PTPN9: variants seen among roughly 807,000 people sequenced by gnomAD.
The protein encoded by PTPN9 is protein tyrosine phosphatase non-receptor type 9.
A neutral mutation model predicts 69.8 loss-of-function variants in PTPN9; 26 were observed. The ratio of observed to expected loss-of-function variants is 0.37; its 90% confidence interval spans 0.27 to 0.52. The LOEUF (loss-of-function observed/expected upper bound fraction) is 0.52, where lower values mean the gene tolerates loss of function less well. Ranked by LOEUF, PTPN9 falls within the 20% of genes least tolerant of loss-of-function variation. The pLI, the probability that PTPN9 is intolerant of heterozygous loss-of-function variation, is 0.91. For missense variants in PTPN9, 549 were observed against 740.3 expected (o/e 0.74, Z 3.00); for synonymous variants, 274 against 272.5 (o/e 1.01, Z -0.05).
Position 75,469,867 on chromosome 15 carries a change from T to C in PTPN9, c.1492A>G (p.Met498Val), listed in dbSNP as rs2074554890. Residue 498 changes from methionine (M) to valine (V), a missense_variant, in exon 12 of 13, where the codon ATG (methionine) becomes GTG (valine). Physicochemically the swap from Met to Val is conservative, Grantham distance 21. This residue lies in a region of PTPN9 where 457 missense variants were observed against 661.9 expected (regional missense o/e 0.69). Coordinates refer to ENST00000618819, the MANE Select transcript of PTPN9 (RefSeq NM_002833.4). Reference sequence around the variant, plus strand: ...CACTGCCCTTTGGAGCGTGCTCCCATGTTGCTCACAGCCAGACTCTGCTGG... The same window carrying C: ...CACTGCCCTTTGGAGCGTGCTCCCACGTTGCTCACAGCCAGACTCTGCTGG... The part of the protein sequence containing the change: ...RNQQSLAVSN[M>V]GARSKGQCPE... 6.2e-7 allele frequency: 1 copy of C among 1,613,974 alleles called. No homozygotes were observed. The highest frequency in any genetic ancestry group is 8.5e-7 in the Non-Finnish European group (1 of 1,180,044).
At chr15:75,502,552 T>A (rs1035565803) in intron 7 of PTPN9, among the ~76,000 whole-genome samples, 3 of 152,076 alleles carry the variant, frequency 2.0e-5, no homozygotes, top group Admixed American at 2.0e-4. Flanking sequence ...TATGTATGTA[T>A]GTATATATAG....
chr15:75,544,776 G>T (rs1172211452), intron 1 of PTPN9, among the ~76,000 whole-genome samples: 1 of 152,056 alleles, frequency 6.6e-6, no homozygotes, highest in African/African-American at 2.4e-5. Context: ...AAAGAGCTTG[G>T]TAAACATAGA....
At chr15:75,471,060 T>C (rs904924108) in intron 10 of PTPN9, among the ~76,000 whole-genome samples, 1 of 152,246 alleles carries the variant, frequency 6.6e-6, no homozygotes, top group Non-Finnish European at 1.5e-5. Flanking sequence ...TACTGAGCAC[T>C]TACTACAGCA....
At chr15:75,482,048 G>C (rs530980471) in intron 8 of PTPN9, among the ~76,000 whole-genome samples, 1 of 149,340 alleles carries the variant, frequency 6.7e-6, no homozygotes, top group Non-Finnish European at 1.5e-5. Flanking sequence ...TTGAGAAATC[G>C]GATGGTTGCC....
Position 75,469,910 on chromosome 15 carries a change from GA to G in PTPN9, c.1448del (p.Phe483SerfsTer2). 6.2e-7 allele frequency: 1 copy of G among 1,614,214 alleles called. No individual in the cohort carries two copies. Among genetic ancestry groups the G allele is most frequent in the Non-Finnish European group, 8.5e-7 (1 of 1,180,020 alleles). ...TCTGCTGGTTTCTGACCACTCTCAA[GA>G]AGTCAATGAGGGAAGCTGCTGAGGA... ...VPSSAASLID[F>X]LRVVRNQQSL... On this transcript the variant is annotated frameshift_variant, in exon 12 of 13. Coordinates refer to ENST00000618819, the MANE Select transcript of PTPN9 (RefSeq NM_002833.4). LOFTEE classifies it high-confidence loss of function.
At chr15:75,470,466 A>G (rs1312172343) in intron 11 of PTPN9, among the ~76,000 whole-genome samples, 1 of 152,234 alleles carries the variant, frequency 6.6e-6, no homozygotes, top group Non-Finnish European at 1.5e-5. Flanking sequence ...CCAGATTTCT[A>G]AAATTATAAG....
intron 1 of PTPN9, among the ~76,000 whole-genome samples, chr15:75,553,401 T>G (rs1055454565): frequency 6.6e-6 from 1 of 152,184 alleles, no homozygotes; most frequent in Non-Finnish European, 1.5e-5. Flanking sequence ...TGATACTGTC[T>G]TTAGTCCTGA....
At chr15:75,514,722 C>G (rs534892099) in intron 5 of PTPN9, among the ~76,000 whole-genome samples, 1 of 152,258 alleles carries the variant, frequency 6.6e-6, no homozygotes, top group African/African-American at 2.4e-5. Flanking sequence ...ATATTAAAAA[C>G]TATTAATTTC....
At chr15:75,504,056 C>G (rs1595955213) in intron 7 of PTPN9, among the ~76,000 whole-genome samples, 1 of 123,172 alleles carries the variant, frequency 8.1e-6, no homozygotes, top group African/African-American at 3.1e-5. Context: ...GCCCGGCCAG[C>G]CGACCCGTCC....
intron 1 of PTPN9, among the ~76,000 whole-genome samples, chr15:75,567,612 A>C (rs1241497479): frequency 6.6e-6 from 1 of 152,176 alleles, no homozygotes; most frequent in Non-Finnish European, 1.5e-5. Context: ...ACACTGAAAA[A>C]AGTGACAAGT....
At chr15:75,501,439 T>A (rs1258313202) in intron 7 of PTPN9, among the ~76,000 whole-genome samples, 1 of 151,716 alleles carries the variant, frequency 6.6e-6, no homozygotes, top group Non-Finnish European at 1.5e-5. Flanking sequence ...TTTCTTTTTT[T>A]TTTTTCCTCT....
At chr15:75,550,857 C>G (rs1408194699) in intron 1 of PTPN9, among the ~76,000 whole-genome samples, 1 of 151,912 alleles carries the variant, frequency 6.6e-6, no homozygotes, top group Non-Finnish European at 1.5e-5. Flanking sequence ...CTGTGTTGGC[C>G]AGGCTGCTCT....
intron 1 of PTPN9, among the ~76,000 whole-genome samples, chr15:75,568,515 A>AC (rs1271846441): frequency 1.4e-5 from 2 of 146,162 alleles, no homozygotes; most frequent in African/African-American, 5.2e-5. Flanking sequence ...CTCAAAAAAA[A>AC]AAAAAAAAAC....
intron 1 of PTPN9, among the ~76,000 whole-genome samples, chr15:75,567,024 T>TTC (rs963928698): frequency 6.6e-6 from 1 of 151,328 alleles, no homozygotes; most frequent in African/African-American, 2.4e-5. Flanking sequence ...TTTTCTTTTT[T>TTC]TTTTTTTTTC....
rs375722480 is a variant in PTPN9 at position 75,508,900 on chromosome 15, G to C, written c.639+17C>G. 4.6e-5 allele frequency: 73 copies of C among 1,580,026 alleles called. No homozygotes were observed. The Middle Eastern group carries it at 6.7e-4, about 14-fold the overall frequency. ...TATCTATTCACCTCCAGATAAAAAAGGGCAAGCTTGCCTTACCCTCTCCCG... is the reference window on the plus strand; with the variant it reads ...TATCTATTCACCTCCAGATAAAAAACGGCAAGCTTGCCTTACCCTCTCCCG... On this transcript the variant is annotated intron_variant, in intron 6 of 12. Transcript: ENST00000618819.
chr15:75,479,942 A>G lies in PTPN9; in HGVS notation c.1063-28T>C, dbSNP rs2074619103. On this transcript the variant is annotated intron_variant, in intron 8 of 12. Transcript: ENST00000618819. The stretch of plus-strand genomic sequence containing the variant: ...AATGATAAAAAGGAGACATCACTAT[A>G]GCTACACAGAATACACCATTTGGGT... 4.7e-6 allele frequency: 7 copies of G among 1,492,994 alleles called. No homozygotes were observed. The East Asian group carries it at 1.6e-4, about 34-fold the overall frequency. The allele number at this position is 1,492,994 out of a possible 1,614,324, so 92.5% of individuals were successfully genotyped here. A position where few individuals can be genotyped will look rare whatever the true frequency, so the allele number is the denominator to read the frequency against.
intron 1 of PTPN9, among the ~76,000 whole-genome samples, chr15:75,562,434 A>G (rs1051028677): frequency 6.6e-6 from 1 of 152,172 alleles, no homozygotes; most frequent in Non-Finnish European, 1.5e-5. Flanking sequence ...ACGAACATAC[A>G]TGGTTAAAGG....
intron 11 of PTPN9, among the ~76,000 whole-genome samples, chr15:75,470,251 T>G (rs1480796498): frequency 3.9e-5 from 6 of 152,210 alleles, no homozygotes; most frequent in Admixed American, 3.9e-4. Context: ...GTTGCCCAGG[T>G]TGGAGTGCAG....
intron 7 of PTPN9, among the ~76,000 whole-genome samples, chr15:75,490,629 T>A (rs2141299683): frequency 6.7e-6 from 1 of 150,070 alleles, no homozygotes; most frequent in Admixed American, 6.7e-5. Context: ...TGAGAGCTTA[T>A]CTCTTTTTTT....
Sources: allele counts gnomAD v4.1 joint callset (sites outside exome capture counted in the v4.1 genomes callset), GRCh38; gene constraint gnomAD v4.1.1; regional missense constraint gnomAD v4.1.1; transcripts MANE v1.5; gene names NCBI Gene and HGNC (gene_info 2026-07-23, HGNC 2026-07-21).